CYTH1: variants seen among roughly 807,000 people sequenced by gnomAD.
CYTH1 encodes cytohesin 1, also known as cytohesin-1.
CYTH1 carries 18 observed loss-of-function variants against 61.8 expected under a neutral mutation model. That is an observed-to-expected ratio of 0.29 (90% CI 0.20 to 0.43). The LOEUF (loss-of-function observed/expected upper bound fraction) is 0.43. Ranked by LOEUF, CYTH1 falls within the 20% of genes least tolerant of loss-of-function variation. The pLI is 1.00. For missense variants in CYTH1, 336 were observed against 510.5 expected (o/e 0.66, Z 3.29); for synonymous variants, 174 against 184.3 (o/e 0.94, Z 0.45).
intron 6 of CYTH1, among the ~76,000 whole-genome samples, 174 bp downstream of exon 6, chr17:78,701,497 G>A (rs114686859): frequency 0.014 from 2,081 of 152,212 alleles, 46 homozygotes; most frequent in African/African-American, 0.048. Context: ...AATTCCCCTT[G>A]ACCATCCAGT....
chr17:78,720,421 C>A (rs1189558523), intron 1 of CYTH1, among the ~76,000 whole-genome samples: 8 of 152,158 alleles, frequency 5.3e-5, no homozygotes. Flanking sequence ...TGGGTTCATG[C>A]AATTCTCCTG....
rs2092691102 is a variant in CYTH1, at chr17:78,675,727, G to A, written c.*364C>T. 2.1e-5 allele frequency: 12 copies of A among 560,186 alleles called. No homozygotes were observed. The highest frequency in any genetic ancestry group is 3.6e-5 in the Non-Finnish European group (12 of 331,264). The allele number at this position is 560,186 out of a possible 1,614,324, so 34.7% of individuals were successfully genotyped here. ...TAATATATGGACACATGTATTTATGGTGCAGGGTTTGAAGGCTTCTTCACG... is the reference window on the plus strand; with the variant it reads ...TAATATATGGACACATGTATTTATGATGCAGGGTTTGAAGGCTTCTTCACG... On this transcript the variant is annotated 3_prime_UTR_variant, in exon 14 of 14. Coordinates refer to ENST00000446868, the MANE Select transcript of CYTH1 (RefSeq NM_004762.6).
intron 1 of CYTH1, among the ~76,000 whole-genome samples, chr17:78,759,921 A>G (rs2093415421): frequency 1.3e-5 from 2 of 152,126 alleles, no homozygotes; most frequent in African/African-American, 4.8e-5. Context: ...GGGGTCCCCA[A>G]ATTTAGGGGC....
chr17:78,742,381 G>GT (rs2093344898), intron 1 of CYTH1, among the ~76,000 whole-genome samples: 1 of 152,236 alleles, frequency 6.6e-6, no homozygotes, highest in African/African-American at 2.4e-5. Flanking sequence ...GGGAGAGAAG[G>GT]TGGGACCCTG....
intron 9 of CYTH1, 92 bp downstream of exon 9, chr17:78,698,177 A>ACGCG: frequency 9.7e-7 from 1 of 1,033,666 alleles, no homozygotes; most frequent in Admixed American, 2.0e-5. Flanking sequence ...AAACACGCAC[A>ACGCG]CGCGCACACA....
chr17:78,707,742 G>A lies in CYTH1; in HGVS notation c.170+455C>T, dbSNP rs540151110. ...TGTCACCAGGCTGGAGTGCAGTGGCGCGATCTCAGCTCACTGCAACCTCCA... is the reference window on the plus strand; with the variant it reads ...TGTCACCAGGCTGGAGTGCAGTGGCACGATCTCAGCTCACTGCAACCTCCA... On this transcript the variant is annotated intron_variant, in intron 3 of 13. Transcript: ENST00000446868. Among the ~76,000 whole-genome samples, 31 of 150,742 alleles carry A rather than the reference G, an allele frequency of 2.1e-4. No homozygotes were observed. In the East Asian group the frequency reaches 5.5e-3, roughly 27 times the overall value.
At chr17:78,762,107 C>T (rs906092874) in intron 1 of CYTH1, among the ~76,000 whole-genome samples, 1 of 152,166 alleles carries the variant, frequency 6.6e-6, no homozygotes, top group South Asian at 2.1e-4. Context: ...TTTTTCCTAT[C>T]AAGGTCCATT....
chr17:78,728,820 A>C (rs1482255328), intron 1 of CYTH1, among the ~76,000 whole-genome samples: 1 of 152,232 alleles, frequency 6.6e-6, no homozygotes, highest in Non-Finnish European at 1.5e-5. Context: ...AAATAGGATT[A>C]TTCAGTCAAG....
intron 1 of CYTH1, among the ~76,000 whole-genome samples, chr17:78,710,194 C>T (rs541161849): frequency 2.6e-5 from 4 of 152,174 alleles, no homozygotes; most frequent in South Asian, 4.2e-4. Flanking sequence ...GCAACGTGTA[C>T]GAACAATTTT....
chr17:78,719,494 G>A lies in CYTH1; in HGVS notation c.23-9762C>T, dbSNP rs1042511603. Among the ~76,000 whole-genome samples, 10 of 152,272 alleles carry A rather than the reference G, an allele frequency of 6.6e-5. No individual in the cohort carries two copies. In the East Asian group the frequency reaches 1.9e-3, roughly 29 times the overall value. The stretch of plus-strand genomic sequence containing the variant: ...AGATCATTACTGCAAGTGGAGAATG[G>A]CTTGGTTTAGGGGAACTTTTTTCCC... On this transcript the variant is annotated intron_variant, in intron 1 of 13. Coordinates refer to ENST00000446868, the MANE Select transcript of CYTH1 (RefSeq NM_004762.6).
intron 1 of CYTH1, among the ~76,000 whole-genome samples, chr17:78,752,031 C>T (rs909365200): frequency 5.3e-5 from 8 of 152,124 alleles, no homozygotes; most frequent in South Asian, 2.1e-4. Context: ...CCACCGCGCC[C>T]GGCCTCAAAT....
intron 1 of CYTH1, among the ~76,000 whole-genome samples, chr17:78,723,055 GAGCATAGAATGCAGACCCAA>G (rs1359363821): frequency 6.6e-6 from 1 of 152,234 alleles, no homozygotes; most frequent in Non-Finnish European, 1.5e-5. Flanking sequence ...CTTCAGAGGA[GAGCATAGAATGCAGACCCAA>G]AGGACAGACA....
chr17:78,762,509 G>C (rs11867667), intron 1 of CYTH1, among the ~76,000 whole-genome samples: 1,678 of 152,310 alleles, frequency 0.011, 23 homozygotes, highest in African/African-American at 0.037. Context: ...TAGATGTATA[G>C]ATGTAGTCGG....
chr17:78,708,130 T>C (rs1437863518), intron 3 of CYTH1, 67 bp downstream of exon 3: 4 of 1,526,534 alleles, frequency 2.6e-6, no homozygotes, highest in African/African-American at 2.7e-5. Flanking sequence ...CACGTAAGCA[T>C]AATTAAGGCC....
chr17:78,704,393 C>T (rs1248919095), intron 3 of CYTH1, among the ~76,000 whole-genome samples: 5 of 152,070 alleles, frequency 3.3e-5, no homozygotes, highest in African/African-American at 7.2e-5. Flanking sequence ...TTATAATCTC[C>T]GAGAGCAAAA....
At chr17:78,749,559 G>A (rs2093371752) in intron 1 of CYTH1, among the ~76,000 whole-genome samples, 1 of 151,964 alleles carries the variant, frequency 6.6e-6, no homozygotes, top group African/African-American at 2.4e-5. Context: ...TGAGCCCACA[G>A]GTCAAGGCTG....
At chr17:78,759,576 AAAC>A (rs1280199730) in intron 1 of CYTH1, among the ~76,000 whole-genome samples, 1 of 152,216 alleles carries the variant, frequency 6.6e-6, no homozygotes, top group Non-Finnish European at 1.5e-5. Flanking sequence ...AAAGGAGTAA[AAAC>A]AAAAATCCAA....
chr17:78,754,966 C>T (rs2093394874), intron 1 of CYTH1, among the ~76,000 whole-genome samples: 1 of 151,930 alleles, frequency 6.6e-6, no homozygotes, highest in Non-Finnish European at 1.5e-5. Context: ...AGGTATAACA[C>T]AAGAGAAGTG....
chr17:78,730,130 C>T (rs778046002), intron 1 of CYTH1, among the ~76,000 whole-genome samples: 1 of 152,048 alleles, frequency 6.6e-6, no homozygotes, highest in African/African-American at 2.4e-5. Context: ...GCTGTGATTT[C>T]GTATGTGGTC....
Sources: gnomAD v4.1 joint callset for allele counts (sites outside exome capture counted in the v4.1 genomes callset) on GRCh38, gnomAD v4.1.1 for gene constraint, MANE v1.5 for transcripts, NCBI Gene and HGNC (gene_info 2026-07-23, HGNC 2026-07-21) for gene names.